HDAC9: variants seen among roughly 807,000 people sequenced by gnomAD.
The protein encoded by HDAC9 is histone deacetylase 9.
Under a neutral mutation model 139.4 loss-of-function variants are expected in HDAC9, and 41 were observed. The ratio of observed to expected loss-of-function variants is 0.29; its 90% CI spans 0.23 to 0.38. The LOEUF (loss-of-function observed/expected upper bound fraction) is 0.38, where lower values mean the gene tolerates loss of function less well. Among genes scored for constraint, HDAC9 ranks in the 10% least tolerant of loss-of-function variants. The probability of loss-of-function intolerance (pLI) is 1.00; values close to 1 mark genes in which losing one functional copy is unlikely to be tolerated. For synonymous variants in HDAC9, 517 were observed against 476.2 expected (o/e 1.09, Z -1.12); for missense variants, 1,147 against 1,297.0 (o/e 0.88, Z 1.78).
chr7:18,493,655 G>C (rs1796522077), upstream of HDAC9, among the ~76,000 whole-genome samples: 1 of 151,758 alleles, frequency 6.6e-6, no homozygotes, highest in African/African-American at 2.4e-5. Context: ...CTTGATTATG[G>C]TAATTATTTC....
chr7:18,578,495 C>T (rs1336924680), intron 2 of HDAC9, among the ~76,000 whole-genome samples: 1 of 152,134 alleles, frequency 6.6e-6, no homozygotes, highest in Non-Finnish European at 1.5e-5. Context: ...GAGGCCTGTC[C>T]CCAGTCCCTC....
At chr7:18,665,095 G>A (rs1051053497) in intron 11 of HDAC9, among the ~76,000 whole-genome samples, 1 of 152,156 alleles carries the variant, frequency 6.6e-6, no homozygotes, top group African/African-American at 2.4e-5. Context: ...GAGTACTTAA[G>A]TATTCACATT....
chr7:18,252,871 A>G (rs1350402894), intron 2 of HDAC9, among the ~76,000 whole-genome samples: 1 of 152,168 alleles, frequency 6.6e-6, no homozygotes, highest in Admixed American at 6.5e-5. Flanking sequence ...TCACCCAGGT[A>G]TTAAGCCTAG....
At chr7:18,451,778 T>G (rs1792894186) in intron 1 of HDAC9, among the ~76,000 whole-genome samples, 1 of 151,942 alleles carries the variant, frequency 6.6e-6, no homozygotes. Context: ...TGAGATGGCT[T>G]GGAGAACAGG....
At chr7:18,282,042 G>C (rs1438708226) in intron 2 of HDAC9, among the ~76,000 whole-genome samples, 2 of 152,090 alleles carry the variant, frequency 1.3e-5, no homozygotes, top group Non-Finnish European at 2.9e-5. Flanking sequence ...ATAGTAAAGC[G>C]TTTAGAAAAA....
intron 1 of HDAC9, among the ~76,000 whole-genome samples, chr7:18,417,649 C>G (rs1789207788): frequency 1.3e-5 from 2 of 152,116 alleles, no homozygotes; most frequent in African/African-American, 2.4e-5. Flanking sequence ...TTTTCTAGTA[C>G]TGATACAACA....
intron 11 of HDAC9, among the ~76,000 whole-genome samples, chr7:18,652,183 G>A (rs892160038): frequency 2.6e-5 from 4 of 152,030 alleles, no homozygotes; most frequent in African/African-American, 7.2e-5. Flanking sequence ...TACCATGGAA[G>A]AACCTTTTCA....
At chr7:18,843,579 C>G (rs1796720303) in intron 21 of HDAC9, among the ~76,000 whole-genome samples, 2 of 152,162 alleles carry the variant, frequency 1.3e-5, no homozygotes, top group South Asian at 4.2e-4. Flanking sequence ...AAAGCTCTCG[C>G]TCAATTAAAA....
chr7:18,957,983 G>A (rs1783276017), intron 24 of HDAC9, among the ~76,000 whole-genome samples: 2 of 152,164 alleles, frequency 1.3e-5, no homozygotes, highest in Non-Finnish European at 2.9e-5. Context: ...ATGGCAAGGT[G>A]CTGACAGTTC....
intron 24 of HDAC9, among the ~76,000 whole-genome samples, chr7:18,958,302 A>T (rs978778742): frequency 5.3e-5 from 8 of 152,144 alleles, no homozygotes; most frequent in African/African-American, 2.4e-5. Context: ...AAAAAGTTTC[A>T]TGTTATTCCT....
chr7:18,119,920 C>G (rs1784259571), intron 1 of HDAC9, among the ~76,000 whole-genome samples: 2 of 152,160 alleles, frequency 1.3e-5, no homozygotes, highest in African/African-American at 4.8e-5. Context: ...AAGTATTGAT[C>G]AATCCTTGGG....
chr7:18,874,619 T>G (rs765649120), intron 22 of HDAC9, 23 bp downstream of exon 22: 1 of 1,366,352 alleles, frequency 7.3e-7, no homozygotes, highest in South Asian at 1.2e-5. Flanking sequence ...TTCAGGACTT[T>G]ACGAAAGGCT....
upstream of HDAC9, among the ~76,000 whole-genome samples, chr7:18,285,991 C>G (rs1044373628): frequency 1.3e-5 from 2 of 152,046 alleles, no homozygotes; most frequent in African/African-American, 2.4e-5. Flanking sequence ...GTTGTTCACC[C>G]TGAGTTCCCC....
At chr7:18,139,105 A>G (rs1348383590) in intron 1 of HDAC9, among the ~76,000 whole-genome samples, 1 of 149,660 alleles carries the variant, frequency 6.7e-6, no homozygotes, top group East Asian at 2.0e-4. Context: ...TCACCATCAT[A>G]TAATTATAAT....
intron 1 of HDAC9, among the ~76,000 whole-genome samples, chr7:18,428,347 A>G (rs1392216004): frequency 1.3e-5 from 2 of 152,228 alleles, no homozygotes; most frequent in African/African-American, 4.8e-5. Context: ...AACCTAGAAA[A>G]ATGGAAGAAA....
At chr7:18,711,994 C>A (rs1192909750) in intron 12 of HDAC9, among the ~76,000 whole-genome samples, 2 of 150,686 alleles carry the variant, frequency 1.3e-5, no homozygotes, top group Non-Finnish European at 2.9e-5. Context: ...AAACTCATAT[C>A]AATCAATGCA....
At chr7:18,214,022 A>T (rs1349410251) in intron 2 of HDAC9, among the ~76,000 whole-genome samples, 2 of 152,102 alleles carry the variant, frequency 1.3e-5, no homozygotes, top group Non-Finnish European at 2.9e-5. Context: ...AAACATCATT[A>T]TAATAGTAGC....
In HDAC9 at chr7:18,829,534, T is replaced by C; in HGVS notation, c.2452T>C (p.Leu818=). The stretch of plus-strand genomic sequence containing the variant: ...AGACCAACTAAATATAAGCAAGATA[T>C]TGATTGTAGATCTGGTATGTATTCC... The part of the protein sequence containing the change: ...LRDQLNISKI[L]IVDLDVHHGN... The change falls in exon 19 of 26, where the codon TTG becomes CTG. Residue 818 remains leucine, a synonymous_variant. Coordinates refer to ENST00000686413, the MANE Select transcript of HDAC9 (RefSeq NM_178425.4). The C allele has an allele frequency of 6.2e-7, 1 of 1,600,662 alleles. No individual in the cohort carries two copies. Among genetic ancestry groups the C allele is most frequent in the Non-Finnish European group, 8.6e-7 (1 of 1,168,632 alleles).
At chr7:18,978,033 T>TC (rs1784662472) in intron 25 of HDAC9, among the ~76,000 whole-genome samples, 1 of 151,858 alleles carries the variant, frequency 6.6e-6, no homozygotes, top group South Asian at 2.1e-4. Flanking sequence ...ATCAGTATTG[T>TC]CCCCCTACTC....
Sources: allele counts gnomAD v4.1 joint callset (sites outside exome capture counted in the v4.1 genomes callset), GRCh38; gene constraint gnomAD v4.1.1; transcripts MANE v1.5; gene names NCBI Gene and HGNC (gene_info 2026-07-23, HGNC 2026-07-21).